Variants in SYT1 observed in about 807,000 individuals in gnomAD.
SYT1 encodes synaptotagmin 1, also known as synaptotagmin-1.
In SYT1, 8 loss-of-function variants were observed where a neutral mutation model predicts 44.8. The ratio of observed to expected loss-of-function variants is 0.18; its 90% CI spans 0.10 to 0.32. The LOEUF is 0.32. Ranked by LOEUF, SYT1 falls within the 10% of genes least tolerant of loss-of-function variation. The pLI is 1.00. For missense variants in SYT1, 286 were observed against 509.3 expected (o/e 0.56, Z 4.22); for synonymous variants, 154 against 188.8 (o/e 0.82, Z 1.51).
At chr12:79,007,061 TCA>T (rs935609952) in intron 2 of SYT1, among the ~76,000 whole-genome samples, 5 of 152,240 alleles carry the variant, frequency 3.3e-5, no homozygotes, top group African/African-American at 1.2e-4. Context: ...GTGAAACTAT[TCA>T]CAGTTACCTT....
intron 9 of SYT1, among the ~76,000 whole-genome samples, chr12:79,439,848 C>T (rs979290242): frequency 6.6e-6 from 1 of 151,592 alleles, no homozygotes; most frequent in Non-Finnish European, 1.5e-5. Flanking sequence ...AAACACTGTA[C>T]TAAATTGTCT....
At chr12:79,142,733 A>C (rs1401045883) in intron 3 of SYT1, among the ~76,000 whole-genome samples, 1 of 152,234 alleles carries the variant, frequency 6.6e-6, no homozygotes, top group African/African-American at 2.4e-5. Flanking sequence ...AAAGAATAAA[A>C]TAGCTATCAT....
At chr12:79,166,154 A>G (rs904632572) in intron 3 of SYT1, among the ~76,000 whole-genome samples, 2 of 152,046 alleles carry the variant, frequency 1.3e-5, no homozygotes, top group Non-Finnish European at 1.5e-5. Context: ...TCTGGAACTC[A>G]AGAGCCATTA....
chr12:78,889,137 G>A (rs891529352), intron 1 of SYT1, among the ~76,000 whole-genome samples: 6 of 151,808 alleles, frequency 4.0e-5, no homozygotes, highest in Admixed American at 6.6e-5. Flanking sequence ...AACATGTATA[G>A]AATTCCTGCT....
At chr12:79,269,724 C>T (rs1033551611) in intron 4 of SYT1, among the ~76,000 whole-genome samples, 4 of 151,946 alleles carry the variant, frequency 2.6e-5, no homozygotes, top group African/African-American at 4.8e-5. Flanking sequence ...AATGCACACA[C>T]GGATATATGC....
chr12:79,139,754 T>C (rs1869440412), intron 3 of SYT1, among the ~76,000 whole-genome samples: 1 of 152,162 alleles, frequency 6.6e-6, no homozygotes, highest in African/African-American at 2.4e-5. Context: ...CAGGACACAT[T>C]TTTGTCTTTG....
chr12:79,131,056 C>T (rs1837758074), intron 3 of SYT1, among the ~76,000 whole-genome samples: 1 of 151,418 alleles, frequency 6.6e-6, no homozygotes, highest in African/African-American at 2.4e-5. Context: ...TTCTGCTACT[C>T]AATTTCTTTT....
intron 2 of SYT1, among the ~76,000 whole-genome samples, chr12:79,013,337 G>C (rs1244035120): frequency 6.6e-6 from 1 of 152,178 alleles, no homozygotes; most frequent in South Asian, 2.1e-4. Context: ...AGAGCATCAG[G>C]TCTATGATTT....
chr12:78,933,473 A>T (rs1230874039), intron 1 of SYT1, among the ~76,000 whole-genome samples: 3 of 152,298 alleles, frequency 2.0e-5, no homozygotes, highest in Non-Finnish European at 4.4e-5. Context: ...TGAATTTAGT[A>T]GTAAAAATAA....
chr12:79,142,203 C>T (rs1328405153), intron 3 of SYT1, among the ~76,000 whole-genome samples: 1 of 152,224 alleles, frequency 6.6e-6, no homozygotes, highest in Non-Finnish European at 1.5e-5. Context: ...GGACTCACAG[C>T]TCACTCATAT....
At chr12:79,173,133 G>A (rs560533114) in intron 3 of SYT1, among the ~76,000 whole-genome samples, 27 of 151,978 alleles carry the variant, frequency 1.8e-4, no homozygotes, top group Non-Finnish European at 3.1e-4. Flanking sequence ...CAACTAAGAG[G>A]TAGAACAAAG....
chr12:79,400,004 A>G, intron 9 of SYT1, among the ~76,000 whole-genome samples: 1 of 152,186 alleles, frequency 6.6e-6, no homozygotes, highest in East Asian at 1.9e-4. Context: ...GACAAACCAA[A>G]TTGACTTGAG....
At chr12:79,388,473 C>CA (rs1346534777) in intron 9 of SYT1, among the ~76,000 whole-genome samples, 8 of 152,018 alleles carry the variant, frequency 5.3e-5, no homozygotes, top group African/African-American at 1.9e-4. Context: ...GGTGGGTGGA[C>CA]AACCTGAGTC....
intron 9 of SYT1, among the ~76,000 whole-genome samples, chr12:79,443,336 C>T (rs759899637): frequency 3.9e-5 from 6 of 152,174 alleles, no homozygotes; most frequent in South Asian, 2.1e-4. Context: ...ACCTAAATTC[C>T]CTTCCTACTT....
chr12:79,398,216 A>C (rs1218066006), intron 9 of SYT1, among the ~76,000 whole-genome samples: 1 of 152,206 alleles, frequency 6.6e-6, no homozygotes, highest in Non-Finnish European at 1.5e-5. Flanking sequence ...CTGAACTAAC[A>C]GGGAAAATGT....
chr12:78,966,492 A>G (rs543991095), intron 1 of SYT1, among the ~76,000 whole-genome samples: 26 of 152,292 alleles, frequency 1.7e-4, no homozygotes, highest in African/African-American at 6.3e-4. Context: ...TAAATCTACT[A>G]CACCATCTTG....
chr12:78,990,777 G>A (rs1453449002), intron 2 of SYT1, among the ~76,000 whole-genome samples: 2 of 152,148 alleles, frequency 1.3e-5, no homozygotes, highest in African/African-American at 4.8e-5. Flanking sequence ...AAAATGCAGA[G>A]TAACAGCCAC....
intron 3 of SYT1, among the ~76,000 whole-genome samples, chr12:79,109,208 C>T (rs1057031686): frequency 6.6e-6 from 1 of 152,190 alleles, no homozygotes; most frequent in Admixed American, 6.5e-5. Context: ...TCCCAATGTT[C>T]AGGCCAGTTG....
chr12:79,406,525 A>G (rs1329907572), intron 9 of SYT1, among the ~76,000 whole-genome samples: 2 of 152,156 alleles, frequency 1.3e-5, no homozygotes, highest in Non-Finnish European at 2.9e-5. Context: ...CAGCACTATC[A>G]TTATTCTCAT....
Sources: allele counts gnomAD v4.1 joint callset (sites outside exome capture counted in the v4.1 genomes callset), GRCh38; gene constraint gnomAD v4.1.1; transcripts MANE v1.5; gene names NCBI Gene and HGNC (gene_info 2026-07-23, HGNC 2026-07-21).